The following CEP128 variants were observed in gnomAD, a reference collection of about 807,000 sequenced individuals.
CEP128 encodes the protein centrosomal protein 128kDa.
Under a neutral mutation model 156.7 loss-of-function variants are expected in CEP128, and 132 were observed. The ratio of observed to expected loss-of-function variants is 0.84; its 90% CI spans 0.73 to 0.97. The LOEUF (loss-of-function observed/expected upper bound fraction) is 0.97. CEP128 is among the 50% of genes least tolerant of loss of function. The probability of loss-of-function intolerance (pLI) is 0.00; values close to 1 mark genes in which losing one functional copy is unlikely to be tolerated. For synonymous variants in CEP128, 469 were observed against 448.9 expected, an observed-to-expected ratio of 1.04 and a Z score of -0.57; for missense variants, 1,252 against 1,281.9, an observed-to-expected ratio of 0.98 and a Z score of 0.36.
chr14:80,542,930 A>C (rs1889829321), intron 21 of CEP128, among the ~76,000 whole-genome samples: 1 of 152,166 alleles, frequency 6.6e-6, no homozygotes, highest in South Asian at 2.1e-4. Context: ...CCTCAAAATA[A>C]AGGGCTATTT....
intron 2 of CEP128, among the ~76,000 whole-genome samples, chr14:80,950,859 G>T (rs1478399257): frequency 7.3e-6 from 1 of 137,760 alleles, no homozygotes; most frequent in Non-Finnish European, 1.5e-5. Context: ...ACATTACAGT[G>T]AAATTGCTCT....
At chr14:80,735,317 C>T (rs1333520664) in intron 19 of CEP128, among the ~76,000 whole-genome samples, 1 of 152,144 alleles carries the variant, frequency 6.6e-6, no homozygotes, top group Non-Finnish European at 1.5e-5. Flanking sequence ...TTTGAATTTT[C>T]ATAGTATATT....
At chr14:80,752,399 A>G (rs1899441900) in intron 18 of CEP128, among the ~76,000 whole-genome samples, 1 of 152,202 alleles carries the variant, frequency 6.6e-6, no homozygotes, top group Admixed American at 6.5e-5. Context: ...ACTAAGTTAT[A>G]AATATAATCA....
At chr14:80,774,653 A>C (rs553027798) in intron 16 of CEP128, among the ~76,000 whole-genome samples, 1 of 151,734 alleles carries the variant, frequency 6.6e-6, no homozygotes, top group African/African-American at 2.4e-5. Context: ...GTGTGTGTGT[A>C]TACACACATA....
chr14:80,947,012 G>A (rs776600465), intron 2 of CEP128, among the ~76,000 whole-genome samples: 10 of 152,118 alleles, frequency 6.6e-5, no homozygotes, highest in Non-Finnish European at 1.3e-4. Flanking sequence ...TGTGAAAAAG[G>A]TGCTTGCTTC....
intron 16 of CEP128, among the ~76,000 whole-genome samples, chr14:80,772,265 A>G (rs1900549943): frequency 6.6e-6 from 1 of 152,104 alleles, no homozygotes; most frequent in Admixed American, 6.5e-5. Context: ...ATGAGCAGAA[A>G]AGAAGATGAA....
rs186502274 is a variant in CEP128 at position 80,631,220 on chromosome 14, A to G, written c.2807-50797T>C. Among the ~76,000 whole-genome samples the G allele has an allele frequency of 7.3e-4, 111 of 152,162 alleles. 1 individual carries two copies. The highest frequency in any genetic ancestry group is 2.5e-3 in the African/African-American group (106 of 41,572). ...GAACACTAAGTAGAGTCTTTAGCCC[A>G]GAAATATCCACCTATGCCTATCCAC... is the stretch of plus-strand genomic sequence containing the variant. On this transcript the variant is annotated intron_variant, in intron 19 of 24. Transcript: ENST00000555265.
At chr14:80,787,283 A>C (rs1322417181) in intron 14 of CEP128, among the ~76,000 whole-genome samples, 1 of 152,142 alleles carries the variant, frequency 6.6e-6, no homozygotes, top group African/African-American at 2.4e-5. Flanking sequence ...GTTTCCATAC[A>C]GTTGTAGGAC....
At chr14:80,800,550 T>C (rs939538958) in intron 13 of CEP128, among the ~76,000 whole-genome samples, 1 of 152,192 alleles carries the variant, frequency 6.6e-6, no homozygotes, top group Non-Finnish European at 1.5e-5. Context: ...ACTATGATAA[T>C]GATTTGGATA....
chr14:80,646,012 G>A (rs1198631460), intron 19 of CEP128, among the ~76,000 whole-genome samples: 1 of 152,156 alleles, frequency 6.6e-6, no homozygotes, highest in Non-Finnish European at 1.5e-5. Flanking sequence ...AAAGTATGGA[G>A]ACGGTAAAAA....
chr14:80,770,376 C>T (rs953689989), intron 16 of CEP128, among the ~76,000 whole-genome samples: 1 of 152,148 alleles, frequency 6.6e-6, no homozygotes, highest in Non-Finnish European at 1.5e-5. Context: ...CTTCTCTTTG[C>T]CACAGCTGCA....
intron 2 of CEP128, among the ~76,000 whole-genome samples, chr14:80,938,476 C>T (rs1019195157): frequency 6.6e-5 from 10 of 151,858 alleles, no homozygotes; most frequent in Non-Finnish European, 1.3e-4. Flanking sequence ...CTCGATCTCC[C>T]GACCTCGTGA....
intron 13 of CEP128, among the ~76,000 whole-genome samples, chr14:80,814,017 T>C (rs74535564): frequency 0.04 from 6,111 of 152,320 alleles, 165 homozygotes; most frequent in Non-Finnish European, 0.064. Flanking sequence ...TGCAGCACTT[T>C]GAAATATGTT....
At chr14:80,495,329 G>A (rs1378678794), downstream of CEP128, among the ~76,000 whole-genome samples, 1 of 152,128 alleles carries the variant, frequency 6.6e-6, no homozygotes, top group Non-Finnish European at 1.5e-5. Context: ...TAGGGTAACT[G>A]CAAGATAGGA....
chr14:80,589,309 G>A (rs1189375981), intron 19 of CEP128, among the ~76,000 whole-genome samples: 1 of 152,076 alleles, frequency 6.6e-6, no homozygotes, highest in Non-Finnish European at 1.5e-5. Context: ...ATTCTTTATA[G>A]CATTAATAGA....
intron 20 of CEP128, among the ~76,000 whole-genome samples, chr14:80,575,465 C>T (rs1236299707): frequency 1.3e-5 from 2 of 151,976 alleles, no homozygotes; most frequent in Non-Finnish European, 2.9e-5. Flanking sequence ...TCAGCATAAT[C>T]TGATGAAAAT....
rs985182575 is a variant in CEP128 at position 80,914,321 on chromosome 14, C to G, written c.234+1G>C. The G allele has an allele frequency of 2.5e-6, 4 of 1,609,874 alleles. No individual in the cohort carries two copies. In the African/African-American group the frequency reaches 4.0e-5, roughly 16 times the overall value. Reference sequence around the variant, plus strand: ...AAATGCAAACAAATGTAGTTTCTCACATGTTCTATCGCACCCGCCTGTCCA... The same window carrying G: ...AAATGCAAACAAATGTAGTTTCTCAGATGTTCTATCGCACCCGCCTGTCCA... On this transcript the variant is annotated splice_donor_variant, in intron 4 of 24. Transcript: ENST00000555265. LOFTEE classifies it high-confidence loss of function.
downstream of CEP128, among the ~76,000 whole-genome samples, chr14:80,495,731 T>G (rs1280532860): frequency 1.3e-5 from 2 of 152,140 alleles, no homozygotes; most frequent in Non-Finnish European, 2.9e-5. Flanking sequence ...TTGAAGAGAA[T>G]GGATGCATGA....
chr14:80,528,890 C>A (rs1163891784), intron 22 of CEP128, among the ~76,000 whole-genome samples: 3 of 152,180 alleles, frequency 2.0e-5, no homozygotes, highest in Admixed American at 6.5e-5. Context: ...TAAATATAAT[C>A]CACATCTAAT....
Sources: gnomAD v4.1 joint callset for allele counts (sites outside exome capture counted in the v4.1 genomes callset) on GRCh38, gnomAD v4.1.1 for gene constraint, MANE v1.5 for transcripts, NCBI Gene and HGNC (gene_info 2026-07-23, HGNC 2026-07-21) for gene names.